CDIN1: variants seen among roughly 807,000 people sequenced by gnomAD.
CDIN1 encodes the protein CDAN1-interacting nuclease 1.
Under a neutral mutation model 45.3 loss-of-function variants are expected in CDIN1, and 33 were observed. That is an observed-to-expected ratio of 0.73 (90% CI 0.55 to 0.97). The LOEUF is 0.97. CDIN1 is among the 50% of genes least tolerant of loss of function. The probability of loss-of-function intolerance (pLI) is 0.00; values close to 1 mark genes in which losing one functional copy is unlikely to be tolerated. For synonymous variants in CDIN1, 118 were observed against 124.4 expected (o/e 0.95, Z 0.34); for missense variants, 303 against 339.4 (o/e 0.89, Z 0.84).
intron 5 of CDIN1, among the ~76,000 whole-genome samples, chr15:36,670,156 A>T (rs1159540097): frequency 6.6e-6 from 1 of 152,052 alleles, no homozygotes; most frequent in African/African-American, 2.4e-5. Flanking sequence ...ATACAGTCCC[A>T]CTAAACAACT....
At chr15:36,635,970 G>A (rs1038501987) in intron 1 of CDIN1, among the ~76,000 whole-genome samples, 4 of 152,088 alleles carry the variant, frequency 2.6e-5, no homozygotes, top group Middle Eastern at 3.2e-3. Context: ...AGAGGATACA[G>A]TAGAGAAGGC....
At chr15:36,715,094 A>G (rs1167348392) in intron 10 of CDIN1, among the ~76,000 whole-genome samples, 1 of 152,128 alleles carries the variant, frequency 6.6e-6, no homozygotes, top group Non-Finnish European at 1.5e-5. Flanking sequence ...TTTGAAAGCC[A>G]TTTCTTGTTC....
At chr15:36,638,556 G>A (rs2039990841) in intron 1 of CDIN1, among the ~76,000 whole-genome samples, 2 of 152,222 alleles carry the variant, frequency 1.3e-5, no homozygotes, top group South Asian at 2.1e-4. Flanking sequence ...CAATAGTGGT[G>A]GTTAAAATAT....
At chr15:36,614,310 C>A in intron 1 of CDIN1, 1 of 571,990 alleles carries the variant, frequency 1.7e-6, no homozygotes, top group Non-Finnish European at 3.4e-6. Flanking sequence ...AACTGGAAGG[C>A]TGCTTTCTCC....
intron 1 of CDIN1, among the ~76,000 whole-genome samples, chr15:36,616,617 C>T (rs1351619517): frequency 6.6e-6 from 1 of 151,896 alleles, no homozygotes; most frequent in East Asian, 1.9e-4. Flanking sequence ...AGTATTGTTC[C>T]AAGAATATAA....
intron 1 of CDIN1, among the ~76,000 whole-genome samples, chr15:36,583,215 AT>A (rs1340724459): frequency 1.3e-5 from 2 of 152,160 alleles, no homozygotes; most frequent in African/African-American, 4.8e-5. Flanking sequence ...AAAGAAAAAA[AT>A]ATTTCACCTA....
chr15:36,794,358 A>AAGTGT (rs1275507223), intron 10 of CDIN1, among the ~76,000 whole-genome samples: 1 of 152,124 alleles, frequency 6.6e-6, no homozygotes, highest in African/African-American at 2.4e-5. Context: ...AACTATTTTT[A>AAGTGT]AGTGTACAGT....
At chr15:36,651,386 GTACCA>G (rs1340302252) in intron 3 of CDIN1, among the ~76,000 whole-genome samples, 1 of 152,116 alleles carries the variant, frequency 6.6e-6, no homozygotes, top group Non-Finnish European at 1.5e-5. Flanking sequence ...GCAGAGAAAG[GTACCA>G]TTAGGATTTT....
intron 10 of CDIN1, among the ~76,000 whole-genome samples, chr15:36,729,629 A>G (rs989564804): frequency 2.0e-5 from 3 of 152,180 alleles, no homozygotes; most frequent in Non-Finnish European, 4.4e-5. Context: ...TCCTGTGATG[A>G]GTGACATTAT....
At chr15:36,701,118 GTAGGTAGATAGATAGATAGA>G (rs1460022998) in intron 8 of CDIN1, among the ~76,000 whole-genome samples, 1,556 of 107,124 alleles carry the variant, frequency 0.015, 29 homozygotes, top group African/African-American at 0.047. Context: ...AGATAGATAG[GTAGGTAGATAGATAGATAGA>G]TAGATAGATA....
intron 10 of CDIN1, among the ~76,000 whole-genome samples, chr15:36,713,840 G>A (rs541482169): frequency 1.3e-5 from 2 of 152,112 alleles, no homozygotes; most frequent in Non-Finnish European, 2.9e-5. Flanking sequence ...GGTTTGATGC[G>A]CCTCCTGCGT....
At chr15:36,703,289 TAC>T (rs2042719438) in intron 8 of CDIN1, among the ~76,000 whole-genome samples, 2 of 109,512 alleles carry the variant, frequency 1.8e-5, no homozygotes, top group African/African-American at 8.4e-5. Context: ...ATCAGATATA[TAC>T]ATATATCAGA....
At chr15:36,613,222 T>C (rs945937517) in intron 1 of CDIN1, among the ~76,000 whole-genome samples, 1 of 152,174 alleles carries the variant, frequency 6.6e-6, no homozygotes, top group East Asian at 1.9e-4. Flanking sequence ...TCCCTTAAAA[T>C]GGATGTGTGT....
intron 10 of CDIN1, among the ~76,000 whole-genome samples, chr15:36,720,867 T>C (rs921488608): frequency 4.6e-5 from 7 of 152,202 alleles, no homozygotes; most frequent in Non-Finnish European, 5.9e-5. Flanking sequence ...TCTTCCACAA[T>C]GGTTGAACTA....
chr15:36,580,567 C>T (rs1039620741), intron 1 of CDIN1, among the ~76,000 whole-genome samples: 5 of 152,152 alleles, frequency 3.3e-5, no homozygotes, highest in South Asian at 2.1e-4. Context: ...ACACACATTC[C>T]GGGTGTATTT....
At chr15:36,710,701 C>G (rs1399602597) in intron 10 of CDIN1, among the ~76,000 whole-genome samples, 1 of 152,262 alleles carries the variant, frequency 6.6e-6, no homozygotes, top group East Asian at 1.9e-4. Flanking sequence ...CGTGTTCACA[C>G]TACATGTTTT....
chr15:36,745,996 T>A (rs929592728), intron 10 of CDIN1, among the ~76,000 whole-genome samples: 1 of 152,018 alleles, frequency 6.6e-6, no homozygotes, highest in Non-Finnish European at 1.5e-5. Flanking sequence ...TATGAAAAAT[T>A]GTTCAAATCA....
chr15:36,800,879 ATGTGTGTGTGTGTG>A (rs1163549097), intron 10 of CDIN1, among the ~76,000 whole-genome samples: 3 of 82,516 alleles, frequency 3.6e-5, no homozygotes, highest in African/African-American at 1.2e-4. Context: ...GTGTGTATAT[ATGTGTGTGTGTGTG>A]TGTGTGTGTG....
intron 5 of CDIN1, among the ~76,000 whole-genome samples, chr15:36,684,721 G>C (rs946810055): frequency 6.6e-6 from 1 of 152,048 alleles, no homozygotes; most frequent in East Asian, 1.9e-4. Context: ...GACTGTTTTT[G>C]GTTGGTAAGC....
Sources: allele counts gnomAD v4.1 joint callset (sites outside exome capture counted in the v4.1 genomes callset), GRCh38; gene constraint gnomAD v4.1.1; transcripts MANE v1.5; gene names NCBI Gene and HGNC (gene_info 2026-07-23, HGNC 2026-07-21).